The following CCDC3 variants were observed in gnomAD, a reference collection of about 807,000 sequenced individuals.
The protein encoded by CCDC3 is coiled-coil domain-containing protein 3.
Under a neutral mutation model 21.4 loss-of-function variants are expected in CCDC3, and 24 were observed. The observed-to-expected ratio is 1.12, with a 90% CI of 0.81 to 1.58. The LOEUF (loss-of-function observed/expected upper bound fraction) is 1.58. Among genes scored for constraint, CCDC3 ranks in the 40% most tolerant of loss-of-function variants. CCDC3 has a pLI of 0.00. For missense variants in CCDC3, 425 were observed against 360.9 expected (o/e 1.18, Z -1.44); for synonymous variants, 186 against 166.0 (o/e 1.12, Z -0.93).
intron 5 of CCDC3, among the ~76,000 whole-genome samples, chr10:13,010,345 C>A (rs2083380): frequency 0.65 from 99,310 of 152,016 alleles, 32,847 homozygotes; most frequent in East Asian, 0.74. Context: ...ACCAAAGAAG[C>A]TAAGAATGGC....
intron 5 of CCDC3, among the ~76,000 whole-genome samples, chr10:13,042,459 G>A (rs1242563852): frequency 3.3e-5 from 5 of 152,218 alleles, no homozygotes; most frequent in South Asian, 4.1e-4. Flanking sequence ...TTGGTTATCC[G>A]GTATGAAAGC....
intron 5 of CCDC3, among the ~76,000 whole-genome samples, chr10:13,042,865 C>T (rs527850278): frequency 1.2e-3 from 161 of 135,860 alleles, no homozygotes; most frequent in African/African-American, 4.4e-3. Context: ...GCCGAGATGG[C>T]GCCACTGCAC....
rs55772750 is a variant in CCDC3, at chr10:12,904,468, TAAAAA to T, written c.550-5794_550-5790del. ...TAAGTTACAGAGCAAAAGCCAGTCT[TAAAAA>T]AAAAAAAAAAAAAAAAAAGACTGGC... On this transcript the variant is annotated intron_variant, in intron 2 of 2. Coordinates refer to ENST00000378825, the MANE Select transcript of CCDC3 (RefSeq NM_031455.4). 2.0e-4 allele frequency among the ~76,000 whole-genome samples: 8 copies of T among 40,902 alleles called. 1 individual carries two copies. Among genetic ancestry groups the T allele is most frequent in the Non-Finnish European group, 3.4e-4 (8 of 23,614 alleles). The allele number at this position is 40,902 out of a possible 152,430, so 26.8% of individuals were successfully genotyped here. A position where few individuals can be genotyped will look rare whatever the true frequency, so the allele number is the denominator to read the frequency against.
chr10:12,989,441 A>G (rs1028396315), intron 2 of CCDC3, among the ~76,000 whole-genome samples: 4 of 152,152 alleles, frequency 2.6e-5, no homozygotes, highest in Admixed American at 1.3e-4. Context: ...TTACTTATTT[A>G]GACAAAGTCT....
intron 5 of CCDC3, among the ~76,000 whole-genome samples, chr10:13,023,962 A>G (rs1836183796): frequency 6.6e-6 from 1 of 152,174 alleles, no homozygotes; most frequent in Admixed American, 6.6e-5. Context: ...TGGTACACAG[A>G]AGTTACTGGT....
intron 2 of CCDC3, among the ~76,000 whole-genome samples, chr10:12,937,000 A>T (rs918347539): frequency 6.6e-6 from 1 of 152,204 alleles, no homozygotes; most frequent in African/African-American, 2.4e-5. Flanking sequence ...CTGGCAGCAC[A>T]AGGGGACCTG....
intron 4 of CCDC3, among the ~76,000 whole-genome samples, chr10:13,058,914 C>T (rs1836717267): frequency 6.6e-6 from 1 of 152,158 alleles, no homozygotes; most frequent in Non-Finnish European, 1.5e-5. Context: ...ATGACTCAGG[C>T]ATATTCTAAT....
intron 5 of CCDC3, among the ~76,000 whole-genome samples, chr10:13,008,114 C>T (rs1835945771): frequency 6.6e-6 from 1 of 152,148 alleles, no homozygotes; most frequent in Non-Finnish European, 1.5e-5. Flanking sequence ...ACAGGGTACC[C>T]TGTTATGGGG....
chr10:12,901,292 T>C (rs998726521), intron 2 of CCDC3, among the ~76,000 whole-genome samples: 1 of 152,146 alleles, frequency 6.6e-6, no homozygotes, highest in Admixed American at 6.5e-5. Context: ...TTTTTTGAGA[T>C]GGAGTCTTGC....
intron 2 of CCDC3, among the ~76,000 whole-genome samples, chr10:12,944,896 G>A (rs1421902069): frequency 1.3e-5 from 2 of 152,168 alleles, no homozygotes; most frequent in African/African-American, 2.4e-5. Flanking sequence ...CATGGGAAAG[G>A]GGTCTTCCCT....
At chr10:12,958,416 G>A (rs1006084640) in intron 2 of CCDC3, among the ~76,000 whole-genome samples, 4 of 152,104 alleles carry the variant, frequency 2.6e-5, no homozygotes, top group African/African-American at 9.7e-5. Context: ...CCAGACCCAT[G>A]CCACCTGGGC....
chr10:12,907,106 T>G (rs1194628794), intron 2 of CCDC3, among the ~76,000 whole-genome samples: 1 of 152,214 alleles, frequency 6.6e-6, no homozygotes, highest in Non-Finnish European at 1.5e-5. Flanking sequence ...GGGCTCTAAC[T>G]GTTGGCTAGC....
At chr10:12,949,770 A>G (rs1329821376) in intron 2 of CCDC3, among the ~76,000 whole-genome samples, 1 of 152,242 alleles carries the variant, frequency 6.6e-6, no homozygotes, top group African/African-American at 2.4e-5. Flanking sequence ...TAATACCAGT[A>G]TATCTGGGTT....
chr10:13,014,990 A>T (rs1589040589), intron 5 of CCDC3, among the ~76,000 whole-genome samples: 1 of 150,498 alleles, frequency 6.6e-6, no homozygotes, highest in East Asian at 2.0e-4. Context: ...ACAAACAGGG[A>T]GTGATTTGTA....
At chr10:13,085,551 G>T (rs1314364773) in intron 3 of CCDC3, among the ~76,000 whole-genome samples, 1 of 152,178 alleles carries the variant, frequency 6.6e-6, no homozygotes, top group Non-Finnish European at 1.5e-5. Context: ...ATGCATATCA[G>T]CATATTGAAG....
chr10:12,928,105 A>G (rs1256276464), intron 2 of CCDC3, among the ~76,000 whole-genome samples: 1 of 152,230 alleles, frequency 6.6e-6, no homozygotes, highest in East Asian at 1.9e-4. Flanking sequence ...GAAATGGCAA[A>G]GCAATGCTGT....
chr10:13,076,644 C>T (rs887985511), intron 3 of CCDC3, among the ~76,000 whole-genome samples: 3 of 152,218 alleles, frequency 2.0e-5, no homozygotes, highest in South Asian at 2.1e-4. Context: ...ATAGTACATT[C>T]TATGTCCTTG....
chr10:12,898,417 T>C lies in CCDC3; in HGVS notation c.812A>G (p.Ter271=). The change falls in exon 3 of 3, where the codon TAA becomes TGA. Residue 271 remains the stop codon, a stop_retained_variant. Transcript: ENST00000378825. ...GPVRPPYLRG[*] is the part of the protein sequence containing the mutation. Reference sequence around the variant, plus strand: ...CACACCTGGCAGCCCCCAGGCCCGTTACCCCCGCAGGTAGGGGGGGCGCAC... The same window carrying C: ...CACACCTGGCAGCCCCCAGGCCCGTCACCCCCGCAGGTAGGGGGGGCGCAC... 1 of 1,595,778 alleles carries C rather than the reference T, an allele frequency of 6.3e-7. No homozygotes were observed. Among genetic ancestry groups the C allele is most frequent in the Non-Finnish European group, 8.6e-7 (1 of 1,169,330 alleles).
At chr10:13,069,819 C>T (rs1419909533) in intron 4 of CCDC3, among the ~76,000 whole-genome samples, 10 of 152,156 alleles carry the variant, frequency 6.6e-5, no homozygotes, top group East Asian at 1.9e-4. Context: ...TTGTAAACCA[C>T]GAAGATAACC....
Sources: allele counts gnomAD v4.1 joint callset (sites outside exome capture counted in the v4.1 genomes callset), GRCh38; gene constraint gnomAD v4.1.1; transcripts MANE v1.5; gene names NCBI Gene and HGNC (gene_info 2026-07-23, HGNC 2026-07-21).